PXYLP1: variants seen among roughly 807,000 people sequenced by gnomAD.
PXYLP1 encodes the protein acid phosphatase-like 2.
In PXYLP1, 17 loss-of-function variants were observed where a neutral mutation model predicts 37.9. The observed-to-expected ratio is 0.45, with a 90% CI of 0.31 to 0.67. The LOEUF is 0.67. Ranked by LOEUF, PXYLP1 falls within the 30% of genes least tolerant of loss-of-function variation. PXYLP1 has a pLI of 0.07. For missense variants in PXYLP1, 511 were observed against 612.0 expected (o/e 0.84, Z 1.74); for synonymous variants, 221 against 232.2 (o/e 0.95, Z 0.44).
Position 141,263,854 on chromosome 3 carries a change from A to G in PXYLP1, c.79+3600A>G, listed in dbSNP as rs538695302. ...GGAGATACGGGAAAACCCTTGGCTC[A>G]TGGAAGCATAGCCAACATAAACCTT... On this transcript the variant is annotated intron_variant, in intron 2 of 5. Transcript: ENST00000286353. 1.4e-4 allele frequency among the ~76,000 whole-genome samples: 22 copies of G among 152,374 alleles called. No individual in the cohort carries two copies. In the South Asian group the frequency reaches 2.5e-3, roughly 17 times the overall value.
intron 4 of PXYLP1, 152 bp from the exon 5 acceptor site, chr3:141,287,162 A>T: frequency 1.2e-6 from 1 of 817,220 alleles, no homozygotes; most frequent in Non-Finnish European, 2.0e-6. Context: ...TCGAGAAATA[A>T]TGAAATTGGA....
intron 5 of PXYLP1, chr3:141,291,751 G>C (rs558653949): frequency 6.3e-6 from 1 of 157,498 alleles, no homozygotes; most frequent in East Asian, 1.9e-4. Context: ...AGAACATTCG[G>C]TTGGCAGGCT....
Position 141,278,595 on chromosome 3 carries a change from C to T in PXYLP1, c.238+95C>T, listed in dbSNP as rs1941863267. 4 of 1,486,300 alleles carry T rather than the reference C, an allele frequency of 2.7e-6. No homozygotes were observed. In the East Asian group the frequency reaches 6.8e-5, roughly 25 times the overall value. The allele number at this position is 1,486,300 out of a possible 1,614,324, so 92.1% of individuals were successfully genotyped here. On this transcript the variant is annotated intron_variant, in intron 3 of 5. Transcript: ENST00000286353. ...AGTAAGGAGCAAGATGGCCAGGACC[C>T]AAGTCCTGCAGTTGCCACCAGGCTG...
chr3:141,273,979 T>C, intron 2 of PXYLP1: 15 of 985,780 alleles, frequency 1.5e-5, no homozygotes, highest in Non-Finnish European at 1.8e-5. Context: ...TCTATTTATC[T>C]GCCCACTATT....
chr3:141,286,146 C>T (rs1451669914), intron 4 of PXYLP1, among the ~76,000 whole-genome samples: 3 of 152,162 alleles, frequency 2.0e-5, no homozygotes, highest in South Asian at 2.1e-4. Context: ...CACTTCTCTT[C>T]AGCTGGAAAA....
At chr3:141,262,600 A>G (rs1239533288) in intron 2 of PXYLP1, 1 of 1,469,848 alleles carries the variant, frequency 6.8e-7, no homozygotes, top group Non-Finnish European at 9.0e-7. Flanking sequence ...ATTTTCAGCC[A>G]TACTTTTTTA....
rs770176786 is a variant in PXYLP1, at chr3:141,278,496, G to A, written c.234G>A (p.Met78Ile). ...TCCCCAGCGTGGCCGAGCGCAGCAT[G>A]GAAGGTAGGCCTGACTGTGCCACCA... Reference protein sequence around the residue: ...CNIPSVAERSMEGHAPHHFKL... With the variant: ...CNIPSVAERSIEGHAPHHFKL... Residue 78 changes from methionine to isoleucine, a missense_variant, in exon 3 of 6, where the codon ATG becomes ATA. Physicochemically the swap from Met to Ile is conservative, Grantham distance 10. Transcript: ENST00000286353. 6.2e-7 allele frequency: 1 copy of A among 1,614,170 alleles called. No individual in the cohort carries two copies. Among genetic ancestry groups the A allele is most frequent in the South Asian group, 1.1e-5 (1 of 91,080 alleles).
intron 2 of PXYLP1, among the ~76,000 whole-genome samples, chr3:141,265,902 C>T (rs1941499199): frequency 6.6e-6 from 1 of 152,118 alleles, no homozygotes; most frequent in Non-Finnish European, 1.5e-5. Flanking sequence ...TGGGACAGGG[C>T]CTAAGCAGCA....
At chr3:141,235,910 T>G (rs1307395229) in intron 1 of PXYLP1, among the ~76,000 whole-genome samples, 2 of 152,270 alleles carry the variant, frequency 1.3e-5, no homozygotes, top group Non-Finnish European at 2.9e-5. Flanking sequence ...TGACCCTTTT[T>G]GGACTTTGGC....
intron 4 of PXYLP1, 48 bp downstream of exon 4, chr3:141,279,552 C>A: frequency 6.2e-7 from 1 of 1,610,008 alleles, no homozygotes; most frequent in Non-Finnish European, 8.5e-7. Flanking sequence ...CTGTTATATC[C>A]TGTAGGATAG....
At chr3:141,287,521 G>A in intron 5 of PXYLP1, 68 bp downstream of exon 5, 1 of 1,562,592 alleles carries the variant, frequency 6.4e-7, no homozygotes, top group South Asian at 1.2e-5. Flanking sequence ...CTTCCGAGCA[G>A]TTCTCCTGGG....
chr3:141,242,467 G>A (rs545233953), intron 1 of PXYLP1, among the ~76,000 whole-genome samples: 5 of 152,364 alleles, frequency 3.3e-5, no homozygotes, highest in African/African-American at 1.2e-4. Flanking sequence ...AGAGGGCTGA[G>A]CCAGGGTTTA....
At chr3:141,270,302 C>T (rs1941629179) in intron 2 of PXYLP1, among the ~76,000 whole-genome samples, 2 of 152,234 alleles carry the variant, frequency 1.3e-5, no homozygotes, top group Admixed American at 1.3e-4. Flanking sequence ...AACCAAGTGT[C>T]TCAAAGTCTA....
In PXYLP1 at chr3:141,292,839, G is replaced by A. The variant is rs533413899; in HGVS notation, c.1077G>A (p.Arg359=). Residue 359 remains arginine (R), a synonymous_variant, in exon 6 of 6, where the codon CGG becomes CGA. Coordinates refer to ENST00000286353, the MANE Select transcript of PXYLP1 (RefSeq NM_001037172.3). This position sits in a 1 kb window ranked among gnomAD's most constrained non-coding sequence, Gnocchi z 4.3. The part of the protein sequence containing the change: ...AHPILNQTIG[R]MQRATEGRKE... The stretch of plus-strand genomic sequence containing the variant: ...CCATCCTGAACCAAACCATCGGCCG[G>A]ATGCAGCGTGCCACCGAGGGCAGGA... The A allele has an allele frequency of 1.2e-6, 2 of 1,613,982 alleles. No individual in the cohort carries two copies. Among genetic ancestry groups the A allele is most frequent in the Admixed American group, 3.3e-5 (2 of 59,998 alleles).
rs756401724 is a variant in PXYLP1 at position 141,260,131 on chromosome 3, C to T, written c.-45C>T. The stretch of plus-strand genomic sequence containing the variant: ...CTCTGCTTTATTCACAGGACATGTT[C>T]CCGATTTGAGGTGAAACCATGAAGA... On this transcript the variant is annotated 5_prime_UTR_variant, in exon 2 of 6. Coordinates refer to ENST00000286353, the MANE Select transcript of PXYLP1 (RefSeq NM_001037172.3). 389 of 1,607,782 alleles carry T rather than the reference C, an allele frequency of 2.4e-4. No individual in the cohort carries two copies. The highest frequency in any genetic ancestry group is 3.2e-4 in the Non-Finnish European group (375 of 1,174,944).
chr3:141,287,178 A>G (rs1369434849), intron 4 of PXYLP1, 136 bp from the exon 5 acceptor site: 6 of 889,516 alleles, frequency 6.7e-6, no homozygotes, highest in Non-Finnish European at 1.0e-5. Flanking sequence ...TTGGAACTGA[A>G]AAGTGATTGA....
intron 1 of PXYLP1, among the ~76,000 whole-genome samples, chr3:141,254,212 C>T (rs770353866): frequency 3.2e-4 from 49 of 152,162 alleles, no homozygotes; most frequent in Admixed American, 8.5e-4. Flanking sequence ...CACGCCCGGC[C>T]CCTCTGGAAT....
At chr3:141,274,791 A>C (rs1273935651) in intron 2 of PXYLP1, among the ~76,000 whole-genome samples, 1 of 152,214 alleles carries the variant, frequency 6.6e-6, no homozygotes, top group Admixed American at 6.5e-5. Flanking sequence ...GGGTAGGCTC[A>C]TAGAAGAGGA....
At position 141,242,189 on chromosome 3, in the gene PXYLP1, C is replaced by A. The variant is rs545765687; in HGVS notation, c.-54+10278C>A. ...ATGTACTGGTTGTGCTTGTTACTCA[C>A]CCCCGCCCCAGGCTCATACATGCCC... On this transcript the variant is annotated intron_variant, in intron 1 of 5. Transcript: ENST00000286353. 5.3e-5 allele frequency among the ~76,000 whole-genome samples: 8 copies of A among 152,260 alleles called. No individual in the cohort carries two copies. The East Asian group carries it at 1.5e-3, about 29-fold the overall frequency.
Sources: allele counts gnomAD v4.1 joint callset (sites outside exome capture counted in the v4.1 genomes callset), GRCh38; gene constraint gnomAD v4.1.1; non-coding constraint Gnocchi (gnomAD v3.1); transcripts MANE v1.5; gene names NCBI Gene and HGNC (gene_info 2026-07-23, HGNC 2026-07-21).